GPM6A: variants seen among roughly 807,000 people sequenced by gnomAD.
The protein encoded by GPM6A is glycoprotein M6A.
A neutral mutation model predicts 32.1 loss-of-function variants in GPM6A; 7 were observed. That is an observed-to-expected ratio of 0.22 (90% confidence interval 0.12 to 0.41). The LOEUF (loss-of-function observed/expected upper bound fraction) is 0.41. Ranked by LOEUF, GPM6A falls within the 10% of genes least tolerant of loss-of-function variation. GPM6A has a pLI of 1.00. For synonymous variants in GPM6A, 130 were observed against 123.4 expected (o/e 1.05, Z -0.35); for missense variants, 235 against 347.2 (o/e 0.68, Z 2.57).
intron 1 of GPM6A, among the ~76,000 whole-genome samples, chr4:175,845,000 T>G (rs1431921788): frequency 6.6e-6 from 1 of 152,146 alleles, no homozygotes. Flanking sequence ...TTTGCATTTG[T>G]TTTTGACCTA....
At position 175,992,819 on chromosome 4, in the gene GPM6A, G is replaced by C. The variant is rs1370720065; in HGVS notation, c.-23+9490C>G. 3.9e-5 allele frequency among the ~76,000 whole-genome samples: 6 copies of C among 152,094 alleles called. No individual in the cohort carries two copies. The East Asian group carries it at 1.2e-3, about 29-fold the overall frequency. ...ACAGATGCATTAACACCAACTTCAC[G>C]AGACATACTGTATTATATCACAATT... On this transcript the variant is annotated intron_variant, in intron 1 of 7. Transcript: ENST00000280187.
chr4:175,685,825 C>CAT (rs1743948452), intron 2 of GPM6A, among the ~76,000 whole-genome samples: 1 of 152,234 alleles, frequency 6.6e-6, no homozygotes, highest in East Asian at 1.9e-4. Context: ...ACACACATAT[C>CAT]ATACATCTCT....
At position 175,730,434 on chromosome 4, in the gene GPM6A, G is replaced by T. The variant is rs1731368372; in HGVS notation, c.38-28667C>A. Among the ~76,000 whole-genome samples, 7 of 149,260 alleles carry T rather than the reference G, an allele frequency of 4.7e-5. No homozygotes were observed. The South Asian group carries it at 1.5e-3, about 32-fold the overall frequency. On this transcript the variant is annotated intron_variant, in intron 1 of 6. Transcript: ENST00000393658. ...ATTTTTGTATTTTTAGTATAGACGG[G>T]GTTTCACGATGTTGGCCAGGATGGT...
intron 1 of GPM6A, among the ~76,000 whole-genome samples, chr4:175,834,209 AAAATCTGCTATAGAATGTC>A (rs1436897585): frequency 6.6e-6 from 1 of 152,126 alleles, no homozygotes; most frequent in Non-Finnish European, 1.5e-5. Flanking sequence ...AAACCATGCA[AAAATCTGCTATAGAATGTC>A]CCTACGCCTC....
chr4:175,737,032 T>C (rs1731688815), intron 1 of GPM6A, among the ~76,000 whole-genome samples: 1 of 152,240 alleles, frequency 6.6e-6, no homozygotes, highest in South Asian at 2.1e-4. Context: ...ACTATGTTAC[T>C]GGTTTATGTA....
At chr4:175,829,344 T>C (rs1040398685) in intron 1 of GPM6A, among the ~76,000 whole-genome samples, 2 of 152,320 alleles carry the variant, frequency 1.3e-5, no homozygotes, top group Admixed American at 1.3e-4. Context: ...TGAAAGATTA[T>C]TTAGTAATAT....
intron 1 of GPM6A, among the ~76,000 whole-genome samples, chr4:175,740,981 T>G (rs1026495440): frequency 1.3e-5 from 2 of 152,202 alleles, no homozygotes; most frequent in Non-Finnish European, 2.9e-5. Flanking sequence ...ATCCCTTTTC[T>G]CTGTAATCAT....
chr4:175,804,380 C>G (rs1734594986), intron 1 of GPM6A, among the ~76,000 whole-genome samples: 1 of 152,264 alleles, frequency 6.6e-6, no homozygotes, highest in African/African-American at 2.4e-5. Flanking sequence ...TTTCTTGGAA[C>G]TGAAATGGAA....
intron 1 of GPM6A, among the ~76,000 whole-genome samples, chr4:175,712,712 T>C (rs1745621778): frequency 6.6e-6 from 1 of 152,206 alleles, no homozygotes; most frequent in Admixed American, 6.5e-5. Flanking sequence ...CACTCCTTTT[T>C]TCTATGCCTA....
At chr4:175,918,859 A>G (rs1180689119) in intron 1 of GPM6A, among the ~76,000 whole-genome samples, 1 of 152,224 alleles carries the variant, frequency 6.6e-6, no homozygotes, top group Non-Finnish European at 1.5e-5. Context: ...CATCACATCT[A>G]TACAGCATTC....
chr4:175,901,119 G>C (rs1284076799), intron 1 of GPM6A, among the ~76,000 whole-genome samples: 1 of 151,384 alleles, frequency 6.6e-6, no homozygotes. Context: ...GGTTACCAGA[G>C]GCTGGGAAGG....
chr4:175,880,009 T>G (rs1737218241), intron 1 of GPM6A, among the ~76,000 whole-genome samples: 3 of 152,220 alleles, frequency 2.0e-5, no homozygotes, highest in Non-Finnish European at 4.4e-5. Flanking sequence ...CTAGGGATTT[T>G]ATGGTTTTAG....
chr4:175,906,119 A>G (rs980518442), intron 1 of GPM6A, among the ~76,000 whole-genome samples: 1 of 152,142 alleles, frequency 6.6e-6, no homozygotes, highest in Non-Finnish European at 1.5e-5. Context: ...CAATGAGTGA[A>G]TCAATGGCCA....
chr4:175,695,803 T>A (rs1485592350), intron 2 of GPM6A, among the ~76,000 whole-genome samples: 3 of 152,128 alleles, frequency 2.0e-5, no homozygotes, highest in Admixed American at 1.3e-4. Context: ...GGGAGAGGCC[T>A]AGGGCAGAAT....
chr4:175,804,594 A>G (rs987941886), intron 1 of GPM6A, among the ~76,000 whole-genome samples: 1 of 152,228 alleles, frequency 6.6e-6, no homozygotes, highest in Non-Finnish European at 1.5e-5. Context: ...TAGACACTGC[A>G]TATGAAATGC....
intron 1 of GPM6A, among the ~76,000 whole-genome samples, chr4:175,885,813 GTC>G (rs1224811724): frequency 6.6e-6 from 1 of 152,018 alleles, no homozygotes; most frequent in East Asian, 1.9e-4. Context: ...AAACTAATTG[GTC>G]TGTAATTATT....
chr4:175,994,064 G>A (rs1209586266), intron 1 of GPM6A, among the ~76,000 whole-genome samples: 1 of 152,110 alleles, frequency 6.6e-6, no homozygotes, highest in African/African-American at 2.4e-5. Context: ...GAGGCTGAAG[G>A]ACCAAAGGGA....
upstream of GPM6A, among the ~76,000 whole-genome samples, chr4:175,814,053 C>T (rs1010310513): frequency 6.6e-6 from 1 of 152,224 alleles, no homozygotes; most frequent in Non-Finnish European, 1.5e-5. Context: ...CATCCCTAGG[C>T]TGACATAACC....
chr4:175,982,886 G>A lies in GPM6A; in HGVS notation c.-23+19423C>T, dbSNP rs36087033. On this transcript the variant is annotated intron_variant, in intron 1 of 7. Transcript: ENST00000280187. ...TAATGTGGTGTATCTTTCTATTTAG[G>A]TCTTTGTTTTCTTTCATGGCTATTT... 2.0e-5 allele frequency among the ~76,000 whole-genome samples: 3 copies of A among 151,854 alleles called. No individual in the cohort carries two copies. The East Asian group carries it at 5.8e-4, about 29-fold the overall frequency.
Sources: allele counts gnomAD v4.1 joint callset (sites outside exome capture counted in the v4.1 genomes callset), GRCh38; gene constraint gnomAD v4.1.1; transcripts MANE v1.5; gene names NCBI Gene and HGNC (gene_info 2026-07-23, HGNC 2026-07-21).